ARHGAP28: variants seen among roughly 807,000 people sequenced by gnomAD.
The protein encoded by ARHGAP28 is rho GTPase-activating protein 28.
In ARHGAP28, 56 loss-of-function variants were observed where a neutral mutation model predicts 90.7. The observed-to-expected ratio is 0.62, with a 90% CI of 0.50 to 0.77. The LOEUF is 0.77. Ranked by LOEUF, ARHGAP28 falls within the 30% of genes least tolerant of loss-of-function variation. ARHGAP28 has a pLI of 0.00. For missense variants in ARHGAP28, 869 were observed against 900.9 expected (o/e 0.96, Z 0.45); for synonymous variants, 308 against 323.3 (o/e 0.95, Z 0.51).
At chr18:6,891,630 C>T (rs2057266156) in intron 14 of ARHGAP28, among the ~76,000 whole-genome samples, 1 of 151,944 alleles carries the variant, frequency 6.6e-6, no homozygotes, top group South Asian at 2.1e-4. Context: ...CTCTGTCACC[C>T]AGGCTGGAGT....
At chr18:6,878,273 C>T (rs575765494) in intron 10 of ARHGAP28, among the ~76,000 whole-genome samples, 98 of 144,266 alleles carry the variant, frequency 6.8e-4, no homozygotes, top group Non-Finnish European at 3.0e-4. Context: ...CATGTTCTCA[C>T]TCATAGATGG....
chr18:6,746,280 G>A (rs770153230), intron 1 of ARHGAP28, among the ~76,000 whole-genome samples: 1 of 152,166 alleles, frequency 6.6e-6, no homozygotes, highest in Non-Finnish European at 1.5e-5. Flanking sequence ...TAGACCAGGG[G>A]TTGGCACAGT....
chr18:6,841,200 TCTC>T lies in ARHGAP28; in HGVS notation c.543+3790_543+3792del, dbSNP rs565204548. 6.6e-3 allele frequency among the ~76,000 whole-genome samples: 409 copies of T among 61,968 alleles called. 10 individuals carry two copies. Among genetic ancestry groups the T allele is most frequent in the Non-Finnish European group, 7.8e-3 (266 of 33,894 alleles). The allele number at this position is 61,968 out of a possible 152,430, so 40.7% of individuals were successfully genotyped here. On this transcript the variant is annotated intron_variant, in intron 3 of 17. Coordinates refer to ENST00000383472, the MANE Select transcript of ARHGAP28 (RefSeq NM_001366230.1). ...TCTCTCCTCTCTCTCTCTCTCTCTCTCTCCTCTCCTCTCTCTCTCTCTCCCCCC... is the reference window on the plus strand; with the variant it reads ...TCTCTCCTCTCTCTCTCTCTCTCTCTCTCTCCTCTCTCTCTCTCTCCCCCC...
At chr18:6,841,935 T>G (rs890526558) in intron 3 of ARHGAP28, among the ~76,000 whole-genome samples, 3 of 152,224 alleles carry the variant, frequency 2.0e-5, no homozygotes, top group Non-Finnish European at 4.4e-5. Flanking sequence ...ATTATCTCCT[T>G]CTGAAACTCC....
chr18:6,776,922 G>A (rs2056288615), intron 1 of ARHGAP28, among the ~76,000 whole-genome samples: 1 of 152,158 alleles, frequency 6.6e-6, no homozygotes, highest in South Asian at 2.1e-4. Flanking sequence ...TTGGAGGGGG[G>A]ATAGCGGTGA....
chr18:6,730,704 G>A, intron 1 of ARHGAP28, among the ~76,000 whole-genome samples: 1 of 152,156 alleles, frequency 6.6e-6, no homozygotes, highest in Non-Finnish European at 1.5e-5. Flanking sequence ...AAACGTTTAA[G>A]TGGGTAGACA....
At chr18:6,809,615 G>A (rs1479468276) in intron 1 of ARHGAP28, among the ~76,000 whole-genome samples, 1 of 152,054 alleles carries the variant, frequency 6.6e-6, no homozygotes, top group Non-Finnish European at 1.5e-5. Context: ...GCAAGCAAAG[G>A]GGGAGGTGCT....
chr18:6,808,085 C>CT (rs1376633351), intron 1 of ARHGAP28, among the ~76,000 whole-genome samples: 6 of 152,074 alleles, frequency 3.9e-5, no homozygotes, highest in Admixed American at 6.5e-5. Flanking sequence ...AGTCTGGTTC[C>CT]TGTTACTCCA....
chr18:6,812,861 G>A (rs895596962), intron 1 of ARHGAP28, among the ~76,000 whole-genome samples: 3 of 152,184 alleles, frequency 2.0e-5, no homozygotes, highest in African/African-American at 7.2e-5. Context: ...GTCATGCAGT[G>A]AGAGGGATTT....
chr18:6,735,985 G>A (rs907762743), intron 1 of ARHGAP28, among the ~76,000 whole-genome samples: 3 of 152,168 alleles, frequency 2.0e-5, no homozygotes, highest in Non-Finnish European at 4.4e-5. Flanking sequence ...ATAAGGTGGT[G>A]TCTGCCAGAT....
chr18:6,758,416 C>A lies in ARHGAP28; in HGVS notation c.122+28473C>A, dbSNP rs113175250. On this transcript the variant is annotated intron_variant, in intron 1 of 17. Coordinates refer to ENST00000383472, the MANE Select transcript of ARHGAP28 (RefSeq NM_001366230.1). ...TCGGCTCACTGAAACTTCTGCCTCC[C>A]GAGTTCAAATGATTCTCCAGCTGCA... Among the ~76,000 whole-genome samples the A allele has an allele frequency of 1.5e-3, 233 of 152,164 alleles. 2 individuals are homozygous for A. Among genetic ancestry groups the A allele is most frequent in the African/African-American group, 5.3e-3 (219 of 41,510 alleles).
chr18:6,869,339 C>A (rs1187139019), intron 6 of ARHGAP28, among the ~76,000 whole-genome samples: 1 of 145,926 alleles, frequency 6.9e-6, no homozygotes, highest in Non-Finnish European at 1.5e-5. Context: ...CAGCTCACTG[C>A]AGCCTCTGCC....
chr18:6,904,521 A>G (rs1054898750), intron 16 of ARHGAP28, among the ~76,000 whole-genome samples: 3 of 152,228 alleles, frequency 2.0e-5, no homozygotes, highest in African/African-American at 7.2e-5. Context: ...TCAACTGTCC[A>G]AGTTCCTACC....
At chr18:6,730,883 T>A (rs2055875203) in intron 1 of ARHGAP28, among the ~76,000 whole-genome samples, 1 of 152,232 alleles carries the variant, frequency 6.6e-6, no homozygotes, top group Non-Finnish European at 1.5e-5. Flanking sequence ...TTTTATCTCA[T>A]ACTTTTAACT....
chr18:6,809,387 T>C (rs1473084233), intron 1 of ARHGAP28, among the ~76,000 whole-genome samples: 1 of 152,198 alleles, frequency 6.6e-6, no homozygotes, highest in Admixed American at 6.5e-5. Context: ...AATGAAACCA[T>C]AATGAGGGTG....
chr18:6,910,629 C>T (rs1473683636), intron 17 of ARHGAP28, among the ~76,000 whole-genome samples: 1 of 151,994 alleles, frequency 6.6e-6, no homozygotes, highest in Non-Finnish European at 1.5e-5. Flanking sequence ...CCGAACATGC[C>T]TTCCATGCTT....
chr18:6,872,473 C>G (rs2057097501), intron 7 of ARHGAP28, among the ~76,000 whole-genome samples: 1 of 152,084 alleles, frequency 6.6e-6, no homozygotes, highest in Admixed American at 6.6e-5. Flanking sequence ...CTTTGACTAC[C>G]CCAAGGAAGC....
chr18:6,817,575 C>T (rs188738984), intron 1 of ARHGAP28, among the ~76,000 whole-genome samples: 56 of 152,226 alleles, frequency 3.7e-4, no homozygotes, highest in African/African-American at 1.3e-3. Flanking sequence ...TAAAAATAGG[C>T]ATTTATTTTT....
intron 1 of ARHGAP28, among the ~76,000 whole-genome samples, chr18:6,759,351 A>G (rs994674954): frequency 1.3e-5 from 2 of 152,232 alleles, no homozygotes; most frequent in African/African-American, 4.8e-5. Context: ...AGAACATTCT[A>G]TGATCAATAA....
Sources: gnomAD v4.1 joint callset for allele counts (sites outside exome capture counted in the v4.1 genomes callset) on GRCh38, gnomAD v4.1.1 for gene constraint, MANE v1.5 for transcripts, NCBI Gene and HGNC (gene_info 2026-07-23, HGNC 2026-07-21) for gene names.